Variants in CNBD1 observed in about 807,000 individuals in gnomAD.
CNBD1 encodes the protein cyclic nucleotide-binding domain-containing protein 1.
A neutral mutation model predicts 54.4 loss-of-function variants in CNBD1; 71 were observed. The observed-to-expected ratio is 1.30, with a 90% confidence interval of 1.08 to 1.59. The LOEUF is 1.59. Among genes scored for constraint, CNBD1 ranks in the 40% most tolerant of loss-of-function variants. The pLI is 0.00. For synonymous variants in CNBD1, 182 were observed against 170.7 expected, an observed-to-expected ratio of 1.07 and a Z score of -0.51; for missense variants, 659 against 518.0, an observed-to-expected ratio of 1.27 and a Z score of -2.64.
chr8:87,422,199 C>A (rs1029905650), intron 2 of CNBD1, among the ~76,000 whole-genome samples: 1 of 145,856 alleles, frequency 6.9e-6, no homozygotes, highest in Non-Finnish European at 1.5e-5. Context: ...GAGTAGGTTG[C>A]AAAAATTTTT....
intron 3 of CNBD1, among the ~76,000 whole-genome samples, chr8:86,935,487 T>C (rs1049480761): frequency 5.3e-5 from 8 of 152,206 alleles, no homozygotes; most frequent in African/African-American, 1.7e-4. Flanking sequence ...TAATTTGTAG[T>C]TTTGTAAGTA....
At chr8:87,379,644 G>C (rs918998787) in intron 10 of CNBD1, among the ~76,000 whole-genome samples, 1 of 151,824 alleles carries the variant, frequency 6.6e-6, no homozygotes, top group Non-Finnish European at 1.5e-5. Flanking sequence ...ATAATGTAAT[G>C]GTCATAAAAG....
chr8:87,352,062 A>G (rs1421932189), intron 9 of CNBD1, among the ~76,000 whole-genome samples: 1 of 152,214 alleles, frequency 6.6e-6, no homozygotes, highest in South Asian at 2.1e-4. Flanking sequence ...AATGCAAGTT[A>G]AAACCATAGC....
chr8:86,999,205 A>G (rs576507815), intron 4 of CNBD1, among the ~76,000 whole-genome samples: 4 of 152,202 alleles, frequency 2.6e-5, no homozygotes, highest in South Asian at 4.1e-4. Context: ...CTCTCACCCA[A>G]TAGCTAAGGT....
At chr8:87,397,187 A>G (rs1811423781) in intron 2 of CNBD1, among the ~76,000 whole-genome samples, 1 of 151,684 alleles carries the variant, frequency 6.6e-6, no homozygotes, top group Non-Finnish European at 1.5e-5. Context: ...CTTATGCCCT[A>G]TTTCTTTCAG....
downstream of CNBD1, among the ~76,000 whole-genome samples, chr8:87,385,867 C>A (rs184959516): frequency 1.4e-3 from 211 of 152,274 alleles, no homozygotes; most frequent in African/African-American, 4.8e-3. Context: ...AGGCAACACC[C>A]AGTAGGGTCA....
intron 6 of CNBD1, among the ~76,000 whole-genome samples, chr8:87,260,080 G>GA (rs1010148429): frequency 4.6e-5 from 7 of 152,222 alleles, no homozygotes; most frequent in East Asian, 3.9e-4. Context: ...CTGTGAAAGG[G>GA]AAAAAATCTT....
At chr8:87,227,049 A>T (rs1458162222) in intron 5 of CNBD1, among the ~76,000 whole-genome samples, 1 of 151,014 alleles carries the variant, frequency 6.6e-6, no homozygotes, top group East Asian at 1.9e-4. Flanking sequence ...TTTATCAGAG[A>T]CTAGGATTGC....
intron 4 of CNBD1, among the ~76,000 whole-genome samples, chr8:87,195,302 G>A (rs1185518229): frequency 2.1e-5 from 3 of 142,180 alleles, no homozygotes; most frequent in African/African-American, 5.3e-5. Context: ...AATCTTGGCT[G>A]TCTGCAACCT....
chr8:87,310,225 C>T (rs958142281), intron 8 of CNBD1, among the ~76,000 whole-genome samples: 8 of 151,980 alleles, frequency 5.3e-5, no homozygotes, highest in African/African-American at 1.7e-4. Context: ...GGTGTGGTGG[C>T]ACATGCTATA....
At chr8:87,168,373 C>T (rs1813009761) in intron 4 of CNBD1, among the ~76,000 whole-genome samples, 1 of 151,974 alleles carries the variant, frequency 6.6e-6, no homozygotes. Flanking sequence ...ATAATAATCA[C>T]ATCAGGGTAA....
rs551120959 is a variant in CNBD1 at position 87,100,904 on chromosome 8, C to A, written c.432-105089C>A. Among the ~76,000 whole-genome samples, 13 of 152,282 alleles carry A rather than the reference C, an allele frequency of 8.5e-5. No individual in the cohort carries two copies. The South Asian group carries it at 2.7e-3, about 32-fold the overall frequency. ...AAATCTGTATAAAAACTACCAAAAT[C>A]CTTGTCTTCCTATTGAACCACCCAT... On this transcript the variant is annotated intron_variant, in intron 4 of 10. Transcript: ENST00000518476.
intron 8 of CNBD1, among the ~76,000 whole-genome samples, chr8:87,327,020 A>T (rs1026653257): frequency 8.7e-5 from 13 of 149,382 alleles, no homozygotes; most frequent in African/African-American, 2.7e-4. Flanking sequence ...TTTCCTTCTA[A>T]CAGACAGCAC....
chr8:87,347,771 G>C (rs546417452), intron 8 of CNBD1, among the ~76,000 whole-genome samples: 1 of 152,060 alleles, frequency 6.6e-6, no homozygotes, highest in African/African-American at 2.4e-5. Flanking sequence ...GTCTTACATT[G>C]CCTGCTGAGA....
chr8:87,231,671 G>T (rs565026899), intron 5 of CNBD1, among the ~76,000 whole-genome samples: 1 of 152,072 alleles, frequency 6.6e-6, no homozygotes, highest in South Asian at 2.1e-4. Context: ...ATTTGCATAA[G>T]CTTCCATTTA....
intron 4 of CNBD1, among the ~76,000 whole-genome samples, chr8:87,018,288 T>C (rs1215184829): frequency 6.6e-6 from 1 of 152,132 alleles, no homozygotes; most frequent in Non-Finnish European, 1.5e-5. Flanking sequence ...TGCAAATCAA[T>C]TTCTTACTAC....
chr8:87,340,747 C>T (rs1810048740), intron 8 of CNBD1, among the ~76,000 whole-genome samples: 1 of 151,980 alleles, frequency 6.6e-6, no homozygotes, highest in Non-Finnish European at 1.5e-5. Flanking sequence ...ATATTCTATT[C>T]CTGAGTTGTA....
intron 2 of CNBD1, among the ~76,000 whole-genome samples, chr8:87,389,786 C>A (rs892823125): frequency 6.6e-6 from 1 of 152,120 alleles, no homozygotes; most frequent in African/African-American, 2.4e-5. Context: ...GCCCGCATTG[C>A]CCAGTCAATC....
At chr8:87,237,364 G>T (rs1165952465) in intron 6 of CNBD1, 6 of 296,368 alleles carry the variant, frequency 2.0e-5, no homozygotes, top group Non-Finnish European at 3.7e-5. Flanking sequence ...AGGTTGATGT[G>T]GCTGGATCCC....
Sources: allele counts gnomAD v4.1 joint callset (sites outside exome capture counted in the v4.1 genomes callset), GRCh38; gene constraint gnomAD v4.1.1; transcripts MANE v1.5; gene names NCBI Gene and HGNC (gene_info 2026-07-23, HGNC 2026-07-21).